The following CASP8 variants were observed in gnomAD, a reference collection of about 807,000 sequenced individuals.
CASP8 encodes the protein caspase 8.
CASP8 carries 24 observed loss-of-function variants against 46.3 expected under a neutral mutation model. The observed-to-expected ratio is 0.52, with a 90% confidence interval of 0.38 to 0.73. The LOEUF is 0.73. Among genes scored for constraint, CASP8 ranks in the 30% least tolerant of loss-of-function variants. The pLI is 0.00. For synonymous variants in CASP8, 188 were observed against 200.4 expected (o/e 0.94, Z 0.52); for missense variants, 460 against 559.0 (o/e 0.82, Z 1.79).
chr2:201,285,859 T>G (rs1326727922), intron 8 of CASP8, among the ~76,000 whole-genome samples: 1 of 152,206 alleles, frequency 6.6e-6, no homozygotes, highest in Non-Finnish European at 1.5e-5. Context: ...AGCCCTGTAT[T>G]TCATGTTTTG....
chr2:201,272,967 A>T lies in CASP8; in HGVS notation c.595+25A>T, dbSNP rs904846765. ...GGTAATGCTTGGAGATACATTTTCA[A>T]GATTTAGTTAATTTACTATCTGGTA... is the stretch of plus-strand genomic sequence containing the variant. On this transcript the variant is annotated intron_variant, in intron 5 of 8. Coordinates refer to ENST00000673742, the MANE Select transcript of CASP8 (RefSeq NM_001372051.1). The surrounding 1 kb of genome is among the most constrained non-coding windows in gnomAD (Gnocchi z 4.4). 1 of 1,606,936 alleles carries T rather than the reference A, an allele frequency of 6.2e-7. No homozygotes were observed. The highest frequency in any genetic ancestry group is 8.5e-7 in the Non-Finnish European group (1 of 1,174,072).
rs1306744759 is a variant in CASP8, at chr2:201,277,776, C to A, written c.802+808C>A. 7.5e-6 allele frequency: 3 copies of A among 399,690 alleles called. No individual in the cohort carries two copies. In the Admixed American group the frequency reaches 9.8e-5, roughly 13 times the overall value. 24.8% of individuals were successfully genotyped at this position (399,690 alleles called of 1,614,324 possible). A position where few individuals can be genotyped will look rare whatever the true frequency, so the allele number is the denominator to read the frequency against. Reference sequence around the variant, plus strand: ...AGTGCAGTGGTGTGATCTCAGCTCACTGCAGCCTCCACCTCCCTGGTTCAA... The same window carrying A: ...AGTGCAGTGGTGTGATCTCAGCTCAATGCAGCCTCCACCTCCCTGGTTCAA... On this transcript the variant is annotated intron_variant, in intron 7 of 8. Coordinates refer to ENST00000673742, the MANE Select transcript of CASP8 (RefSeq NM_001372051.1).
At chr2:201,277,601 C>A in intron 7 of CASP8, 1 of 329,584 alleles carries the variant, frequency 3.0e-6, no homozygotes, top group South Asian at 2.3e-5. Flanking sequence ...GTTTATCAGG[C>A]ATAACATCAA....
intron 7 of CASP8, among the ~76,000 whole-genome samples, chr2:201,281,497 G>A (rs527741462): frequency 1.2e-4 from 19 of 152,188 alleles, no homozygotes; most frequent in Admixed American, 9.8e-4. Context: ...GAAAAAAGTG[G>A]TTAAAAACTG....
intron 7 of CASP8, among the ~76,000 whole-genome samples, chr2:201,278,639 T>C (rs1162431792): frequency 2.0e-5 from 3 of 151,784 alleles, no homozygotes; most frequent in East Asian, 1.9e-4. Context: ...CAGGTTCAAG[T>C]GATTCTCCTG....
intron 2 of CASP8, chr2:201,269,390 T>C (rs1053746340): frequency 1.5e-5 from 10 of 683,190 alleles, no homozygotes; most frequent in Non-Finnish European, 2.4e-5. Flanking sequence ...ACTAGCATTG[T>C]GAAGTCTTTA....
intron 7 of CASP8, among the ~76,000 whole-genome samples, chr2:201,280,664 A>C (rs1948942387): frequency 6.6e-6 from 1 of 152,228 alleles, no homozygotes; most frequent in South Asian, 2.1e-4. Flanking sequence ...AAGAAAGAGG[A>C]AGTCATAGAT....
chr2:201,254,228 A>G (rs2125018505), intron 2 of CASP8, among the ~76,000 whole-genome samples: 1 of 152,290 alleles, frequency 6.6e-6, no homozygotes, highest in Admixed American at 6.5e-5. Context: ...AGGGGTAGGT[A>G]TTGGCAATCA....
intron 1 of CASP8, among the ~76,000 whole-genome samples, chr2:201,264,981 G>C (rs1311505756): frequency 2.0e-5 from 3 of 152,194 alleles, no homozygotes; most frequent in Non-Finnish European, 4.4e-5. Flanking sequence ...GATCGCAGTG[G>C]GGTGGGAGTA....
chr2:201,270,706 G>C (rs10186568), intron 2 of CASP8, among the ~76,000 whole-genome samples: 1 of 151,968 alleles, frequency 6.6e-6, no homozygotes, highest in Admixed American at 6.5e-5. Context: ...ATTTTTAAAT[G>C]TTTTTGGTAG....
At chr2:201,251,278 C>T (rs571171057) in intron 2 of CASP8, among the ~76,000 whole-genome samples, 6 of 152,234 alleles carry the variant, frequency 3.9e-5, no homozygotes, top group Admixed American at 2.6e-4. Context: ...TATCTAGAAA[C>T]GTGATTGCTG....
At chr2:201,275,016 CTTT>C (rs35508730) in intron 6 of CASP8, 63 bp downstream of exon 6, 2,521 of 957,302 alleles carry the variant, frequency 2.6e-3, no homozygotes, top group Non-Finnish European at 3.0e-3. Flanking sequence ...AATTTGTTAG[CTTT>C]TTTTTTTTTT....
chr2:201,272,489 T>A lies in CASP8; in HGVS notation c.412-149T>A, dbSNP rs1948331707. On this transcript the variant is annotated intron_variant, in intron 3 of 8. Coordinates refer to ENST00000673742, the MANE Select transcript of CASP8 (RefSeq NM_001372051.1). The surrounding 1 kb of genome is among the most constrained non-coding windows in gnomAD (Gnocchi z 4.4). ...TGGAATCGCTTCCCTAGTAGCCTGCTGGCTGTGAGAGACCAGCAGAAACTG... is the reference window on the plus strand; with the variant it reads ...TGGAATCGCTTCCCTAGTAGCCTGCAGGCTGTGAGAGACCAGCAGAAACTG... The A allele has an allele frequency of 1.2e-6, 1 of 820,468 alleles. No individual in the cohort carries two copies. The highest frequency in any genetic ancestry group is 2.0e-6 in the Non-Finnish European group (1 of 504,018). The allele number at this position is 820,468 out of a possible 1,614,324, so 50.8% of individuals were successfully genotyped here.
intron 2 of CASP8, among the ~76,000 whole-genome samples, chr2:201,250,073 GGATAT>G (rs1195461052): frequency 6.6e-6 from 1 of 152,212 alleles, no homozygotes; most frequent in Non-Finnish European, 1.5e-5. Context: ...CAGTTGTGGA[GGATAT>G]GATAGAGCAA....
intron 2 of CASP8, among the ~76,000 whole-genome samples, chr2:201,236,222 T>G (rs1046997740): frequency 2.6e-5 from 4 of 152,254 alleles, no homozygotes; most frequent in African/African-American, 9.6e-5. Flanking sequence ...CATTTAGTTC[T>G]GTAAATTTTC....
At chr2:201,263,353 A>C (rs1340457342) in intron 1 of CASP8, among the ~76,000 whole-genome samples, 1 of 152,226 alleles carries the variant, frequency 6.6e-6, no homozygotes, top group Admixed American at 6.5e-5. Context: ...CTCTAAGATT[A>C]AGTGCCTTAC....
chr2:201,283,697 C>T (rs1303427468), intron 7 of CASP8, among the ~76,000 whole-genome samples: 3 of 92,008 alleles, frequency 3.3e-5, no homozygotes, highest in Non-Finnish European at 5.4e-5. Context: ...ACCACCCCCC[C>T]CCGCCTCCCT....
chr2:201,281,929 A>T, intron 7 of CASP8: 1 of 543,986 alleles, frequency 1.8e-6, no homozygotes, highest in Non-Finnish European at 2.4e-6. Flanking sequence ...TTCTGGTTCA[A>T]ATTCTTTTTT....
intron 5 of CASP8, 110 bp downstream of exon 5, chr2:201,273,052 C>T (rs1948382719): frequency 3.1e-6 from 2 of 646,352 alleles, no homozygotes; most frequent in Non-Finnish European, 5.1e-6. Context: ...GCCTGCTCTA[C>T]TTTTTCTTTT....
Sources: allele counts gnomAD v4.1 joint callset (sites outside exome capture counted in the v4.1 genomes callset), GRCh38; gene constraint gnomAD v4.1.1; non-coding constraint Gnocchi (gnomAD v3.1); transcripts MANE v1.5; gene names NCBI Gene and HGNC (gene_info 2026-07-23, HGNC 2026-07-21).